Variants in WWP2 observed in about 807,000 individuals in gnomAD.
The protein encoded by WWP2 is NEDD4-like E3 ubiquitin-protein ligase WWP2.
Under a neutral mutation model 121.0 loss-of-function variants are expected in WWP2, and 57 were observed. The observed-to-expected ratio is 0.47, with a 90% CI of 0.38 to 0.59. The LOEUF is 0.59. Ranked by LOEUF, WWP2 falls within the 20% of genes least tolerant of loss-of-function variation. The probability of loss-of-function intolerance (pLI) is 0.00; values close to 1 mark genes in which losing one functional copy is unlikely to be tolerated. For synonymous variants in WWP2, 449 were observed against 441.3 expected (o/e 1.02, Z -0.22); for missense variants, 962 against 1,158.9 (o/e 0.83, Z 2.47).
chr16:69,827,204 T>C (rs1198173319), intron 4 of WWP2, among the ~76,000 whole-genome samples: 29 of 151,992 alleles, frequency 1.9e-4, no homozygotes. Flanking sequence ...AAAGAAAATC[T>C]TTGTTTCATA....
rs1023665867 is a variant in WWP2 at position 69,906,869 on chromosome 16, G to C, written c.915-1892G>C. ...CACTCCAGCTCGGGCAACAGAGCAA[G>C]ACTCTGTCTTTAAAAAAATAAAAAG... On this transcript the variant is annotated intron_variant, in intron 8 of 23. Transcript: ENST00000359154. Among the ~76,000 whole-genome samples, 5 of 152,154 alleles carry C rather than the reference G, an allele frequency of 3.3e-5. 1 individual carries two copies. Among genetic ancestry groups the C allele is most frequent in the African/African-American group, 1.2e-4 (5 of 41,424 alleles).
intron 10 of WWP2, among the ~76,000 whole-genome samples, chr16:69,923,523 T>C (rs2058595028): frequency 6.6e-6 from 1 of 152,156 alleles, no homozygotes; most frequent in African/African-American, 2.4e-5. Flanking sequence ...TTTTGGTCTG[T>C]TGATTTGTAG....
At chr16:69,909,153 A>G in intron 9 of WWP2, 1 of 1,064,372 alleles carries the variant, frequency 9.4e-7, no homozygotes, top group Non-Finnish European at 1.1e-6. Context: ...CTTATTCGGC[A>G]GGGCTTCGTG....
intron 4 of WWP2, among the ~76,000 whole-genome samples, chr16:69,821,323 G>A (rs577042915): frequency 6.6e-6 from 1 of 152,304 alleles, no homozygotes; most frequent in East Asian, 1.9e-4. Context: ...TCAGCTGAGA[G>A]CTGTTGGAAA....
chr16:69,848,164 G>GGC lies in WWP2; in HGVS notation c.575+6047_575+6048dup, dbSNP rs772808451. On this transcript the variant is annotated intron_variant, in intron 6 of 23. Coordinates refer to ENST00000359154, the MANE Select transcript of WWP2 (RefSeq NM_001270454.2). ...ATCTTAGTTAAGAAGCTGTCAGCTG[G>GGC]GCGCAGTGGCTCAGCGTGCAGGCTG... Among the ~76,000 whole-genome samples, 15 of 152,302 alleles carry GGC rather than the reference G, an allele frequency of 9.8e-5. 2 individuals are homozygous for GGC. The highest frequency in any genetic ancestry group is 3.9e-4 in the East Asian group (2 of 5,188).
intron 1 of WWP2, among the ~76,000 whole-genome samples, chr16:69,778,072 AATATAT>A (rs138021233): frequency 1.5e-5 from 2 of 137,522 alleles, no homozygotes; most frequent in Non-Finnish European, 1.5e-5. Flanking sequence ...CCCTGTCTCA[AATATAT>A]ATATATATAT....
At chr16:69,811,853 G>A (rs1311479930) in intron 4 of WWP2, among the ~76,000 whole-genome samples, 1 of 152,160 alleles carries the variant, frequency 6.6e-6, no homozygotes, top group Admixed American at 6.5e-5. Context: ...TGCTACATTT[G>A]CTTTCACTGT....
At chr16:69,936,730 A>G (rs1349640811) in intron 19 of WWP2, 4 of 524,642 alleles carry the variant, frequency 7.6e-6, no homozygotes, top group Non-Finnish European at 1.4e-5. Flanking sequence ...AAGCTGAGAC[A>G]TCTGCATCTT....
At chr16:69,919,720 A>G (rs553252831) in intron 10 of WWP2, among the ~76,000 whole-genome samples, 25 of 151,970 alleles carry the variant, frequency 1.6e-4, no homozygotes, top group Admixed American at 1.1e-3. Flanking sequence ...GTTGGGATCT[A>G]CAGCAGAACT....
chr16:69,810,777 C>T (rs537169089), intron 4 of WWP2, among the ~76,000 whole-genome samples: 9 of 143,476 alleles, frequency 6.3e-5, no homozygotes, highest in East Asian at 4.0e-4. Context: ...TTTTTTGAGA[C>T]GGAGTCTCGC....
At position 69,939,354 on chromosome 16, in the gene WWP2, A is replaced by G. The variant is rs1349776721; in HGVS notation, c.2454A>G (p.Pro818=). Residue 818 remains proline (P), a synonymous_variant, in exon 23 of 24, where the codon CCA becomes CCG. Coordinates refer to ENST00000359154, the MANE Select transcript of WWP2 (RefSeq NM_001270454.2). ...CTTGGATCACAGGTAGCAACGGACC[A>G]CAGAAGTTTTGCATTGACAAAGTTG... ...GFAELIGSNG[P]QKFCIDKVGK... 1 of 1,614,198 alleles carries G rather than the reference A, an allele frequency of 6.2e-7. No individual in the cohort carries two copies.
chr16:69,763,697 G>T (rs927085691), intron 1 of WWP2, among the ~76,000 whole-genome samples: 2 of 152,172 alleles, frequency 1.3e-5, no homozygotes, highest in African/African-American at 4.8e-5. Flanking sequence ...GCTCTTTCTT[G>T]TTTGCTGGCC....
intron 6 of WWP2, among the ~76,000 whole-genome samples, chr16:69,867,968 G>T (rs1259913487): frequency 6.6e-6 from 1 of 152,226 alleles, no homozygotes; most frequent in Non-Finnish European, 1.5e-5. Flanking sequence ...CAGCATCTGG[G>T]CCAGCTTTTC....
rs549838636 is a variant in WWP2 at position 69,794,571 on chromosome 16, G to A, written c.71-4111G>A. Among the ~76,000 whole-genome samples the A allele has an allele frequency of 2.6e-5, 4 of 152,090 alleles. No homozygotes were observed. In the South Asian group the frequency reaches 6.2e-4, roughly 24 times the overall value. ...ATAAACTAAATTTCTCCCAAAATTA[G>A]CTTGGCCCATGCCCAGGAATGACCA... On this transcript the variant is annotated intron_variant, in intron 2 of 23. Transcript: ENST00000359154.
chr16:69,833,615 T>G (rs2056828445), intron 4 of WWP2, among the ~76,000 whole-genome samples: 1 of 152,234 alleles, frequency 6.6e-6, no homozygotes, highest in Non-Finnish European at 1.5e-5. Flanking sequence ...TGGTAACCAG[T>G]TATTACTTAG....
At chr16:69,789,625 G>A (rs2055866881) in intron 2 of WWP2, among the ~76,000 whole-genome samples, 1 of 152,312 alleles carries the variant, frequency 6.6e-6, no homozygotes, top group East Asian at 1.9e-4. Flanking sequence ...TACACCAAAA[G>A]GGATGCATTT....
intron 4 of WWP2, among the ~76,000 whole-genome samples, chr16:69,828,802 T>G (rs554399639): frequency 6.6e-6 from 1 of 152,314 alleles, no homozygotes; most frequent in African/African-American, 2.4e-5. Context: ...TTCCTATTAT[T>G]CCATCCTCTT....
rs8050295 is a variant in WWP2 at position 69,826,963 on chromosome 16, G to A, written c.341-13163G>A. Among the ~76,000 whole-genome samples, 12 of 21,934 alleles carry A rather than the reference G, an allele frequency of 5.5e-4. 1 individual carries two copies. The highest frequency in any genetic ancestry group is 3.0e-3 in the Admixed American group (3 of 1,012). The allele number at this position is 21,934 out of a possible 152,430, so 14.4% of individuals were successfully genotyped here. A position where few individuals can be genotyped will look rare whatever the true frequency, so the allele number is the denominator to read the frequency against. Reference sequence around the variant, plus strand: ...CAAAAAAAAAAAAAAAAGGGGGGGGGGCGGAGAGAATAATGGACCATCTAG... The same window carrying A: ...CAAAAAAAAAAAAAAAAGGGGGGGGAGCGGAGAGAATAATGGACCATCTAG... On this transcript the variant is annotated intron_variant, in intron 4 of 23. Transcript: ENST00000359154.
At chr16:69,775,715 A>G (rs2055511982) in intron 1 of WWP2, among the ~76,000 whole-genome samples, 1 of 152,054 alleles carries the variant, frequency 6.6e-6, no homozygotes, top group Admixed American at 6.6e-5. Context: ...TGTGTTTTGT[A>G]ATTTTTCATT....
Sources: allele counts gnomAD v4.1 joint callset (sites outside exome capture counted in the v4.1 genomes callset), GRCh38; gene constraint gnomAD v4.1.1; transcripts MANE v1.5; gene names NCBI Gene and HGNC (gene_info 2026-07-23, HGNC 2026-07-21).